The following DLC1 variants were observed in gnomAD, a reference collection of about 807,000 sequenced individuals.
DLC1 encodes rho GTPase-activating protein 7.
In DLC1, 54 loss-of-function variants were observed where a neutral mutation model predicts 140.3. The observed-to-expected ratio is 0.38, with a 90% CI of 0.31 to 0.48. The LOEUF (loss-of-function observed/expected upper bound fraction) is 0.48, where lower values mean the gene tolerates loss of function less well. Ranked by LOEUF, DLC1 falls within the 20% of genes least tolerant of loss-of-function variation. The probability of loss-of-function intolerance (pLI) is 0.96; values close to 1 mark genes in which losing one functional copy is unlikely to be tolerated. For missense variants in DLC1, 2,536 were observed against 1,907.0 expected, an observed-to-expected ratio of 1.33 and a Z score of -6.14; for synonymous variants, 986 against 728.1, an observed-to-expected ratio of 1.35 and a Z score of -5.70.
intron 2 of DLC1, among the ~76,000 whole-genome samples, chr8:13,450,766 C>T (rs1356719881): frequency 3.3e-5 from 5 of 151,914 alleles, no homozygotes; most frequent in African/African-American, 9.7e-5. Context: ...AGAGGCCAGG[C>T]GCGGTGGCTC....
intron 1 of DLC1, among the ~76,000 whole-genome samples, chr8:13,591,484 C>T (rs1394574622): frequency 6.6e-6 from 1 of 152,070 alleles, no homozygotes; most frequent in Non-Finnish European, 1.5e-5. Flanking sequence ...CTTCCCCTTC[C>T]AACATGATTG....
intron 4 of DLC1, among the ~76,000 whole-genome samples, chr8:13,310,766 T>A (rs570071917): frequency 6.6e-6 from 1 of 152,320 alleles, no homozygotes; most frequent in South Asian, 2.1e-4. Flanking sequence ...CAATCTGATA[T>A]CATCTATTTT....
chr8:13,127,849 C>T (rs776061173), intron 5 of DLC1, among the ~76,000 whole-genome samples: 1 of 152,162 alleles, frequency 6.6e-6, no homozygotes, highest in Non-Finnish European at 1.5e-5. Flanking sequence ...AAAGGTGGGG[C>T]AGGGCAGAGA....
intron 5 of DLC1, among the ~76,000 whole-genome samples, chr8:13,186,858 T>A (rs561379797): frequency 6.6e-6 from 1 of 152,270 alleles, no homozygotes; most frequent in Non-Finnish European, 1.5e-5. Flanking sequence ...TTTTTGTTGA[T>A]GTTGATGCTA....
At chr8:13,285,160 G>C (rs75704494) in intron 5 of DLC1, among the ~76,000 whole-genome samples, 2,305 of 152,176 alleles carry the variant, frequency 0.015, 58 homozygotes, top group African/African-American at 0.052. Flanking sequence ...ATCAAGACAG[G>C]GTGGTATTGA....
At chr8:13,091,297 C>T (rs368366226) in intron 14 of DLC1, 21 bp downstream of exon 14, 6 of 1,612,406 alleles carry the variant, frequency 3.7e-6, no homozygotes, top group Non-Finnish European at 4.2e-6. Context: ...AATAAAGGAG[C>T]CAAACTTCTC....
intron 4 of DLC1, among the ~76,000 whole-genome samples, chr8:13,329,610 G>C (rs997841577): frequency 1.1e-4 from 17 of 152,078 alleles, no homozygotes; most frequent in Admixed American, 2.6e-4. Context: ...ACTTGGTTTA[G>C]GGCTATTTTA....
At chr8:13,601,545 G>A (rs574159321) in intron 1 of DLC1, among the ~76,000 whole-genome samples, 3 of 151,740 alleles carry the variant, frequency 2.0e-5, no homozygotes, top group South Asian at 2.1e-4. Flanking sequence ...TCATTGGAAA[G>A]CACTTGTTAG....
chr8:13,572,576 GT>G (rs1339802221), intron 1 of DLC1, among the ~76,000 whole-genome samples: 2 of 152,034 alleles, frequency 1.3e-5, no homozygotes, highest in African/African-American at 4.8e-5. Context: ...GATCATGCAA[GT>G]TTGCCCATAT....
At chr8:13,591,923 G>T (rs1805528794) in intron 1 of DLC1, among the ~76,000 whole-genome samples, 1 of 152,106 alleles carries the variant, frequency 6.6e-6, no homozygotes, top group African/African-American at 2.4e-5. Flanking sequence ...ACCTTGTCGA[G>T]TTCAGTGTAC....
At chr8:13,473,354 C>G (rs1800296783) in intron 2 of DLC1, among the ~76,000 whole-genome samples, 1 of 152,284 alleles carries the variant, frequency 6.6e-6, no homozygotes, top group Non-Finnish European at 1.5e-5. Flanking sequence ...GTGAATAAGT[C>G]TCACGAGATC....
intron 1 of DLC1, among the ~76,000 whole-genome samples, chr8:13,575,442 G>A (rs1585292004): frequency 6.6e-6 from 1 of 152,110 alleles, no homozygotes; most frequent in Non-Finnish European, 1.5e-5. Context: ...AGGGGGTGGG[G>A]CCGAGGGGAG....
chr8:13,587,929 T>C (rs1389637945), intron 1 of DLC1, among the ~76,000 whole-genome samples: 1 of 152,060 alleles, frequency 6.6e-6, no homozygotes, highest in African/African-American at 2.4e-5. Context: ...ACATCCAATA[T>C]GAAAATTATG....
Position 13,401,628 on chromosome 8 carries a change from C to T in DLC1, c.1024-9G>A. On this transcript the variant is annotated splice_polypyrimidine_tract_variant and intron_variant, in intron 2 of 17. Transcript: ENST00000276297. The stretch of plus-strand genomic sequence containing the variant: ...CGATCTTCTCTTATTTCCTGAGGAA[C>T]AGAACATTTTGTTACTGAATCTGAA... 1 of 1,608,478 alleles carries T rather than the reference C, an allele frequency of 6.2e-7. No individual in the cohort carries two copies. The highest frequency in any genetic ancestry group is 1.1e-5 in the South Asian group (1 of 89,914).
At chr8:13,567,282 C>G in intron 1 of DLC1, 1 of 1,551,744 alleles carries the variant, frequency 6.4e-7, no homozygotes, top group Non-Finnish European at 8.7e-7. Context: ...AAGACTCTAA[C>G]TTTGAACGGC....
At chr8:13,141,761 G>A (rs1474154204) in intron 5 of DLC1, among the ~76,000 whole-genome samples, 2 of 152,154 alleles carry the variant, frequency 1.3e-5, no homozygotes, top group African/African-American at 4.8e-5. Context: ...TGGAGCTGCC[G>A]TCTATCTTCC....
intron 2 of DLC1, among the ~76,000 whole-genome samples, chr8:13,427,865 T>A (rs1281311741): frequency 1.3e-5 from 2 of 152,232 alleles, no homozygotes; most frequent in African/African-American, 4.8e-5. Context: ...GATGCAGGAA[T>A]GATGTCTTCT....
chr8:13,233,220 G>A (rs1829128227), intron 5 of DLC1, among the ~76,000 whole-genome samples: 1 of 143,326 alleles, frequency 7.0e-6, no homozygotes, highest in Non-Finnish European at 1.5e-5. Flanking sequence ...CCTTGAACCT[G>A]GGAGGTGGAG....
intron 6 of DLC1, among the ~76,000 whole-genome samples, chr8:13,114,779 G>C (rs1157243799): frequency 1.3e-5 from 2 of 152,190 alleles, no homozygotes; most frequent in East Asian, 3.9e-4. Context: ...AAGGATTAGG[G>C]AAATGGCAGT....
Sources: allele counts gnomAD v4.1 joint callset (sites outside exome capture counted in the v4.1 genomes callset), GRCh38; gene constraint gnomAD v4.1.1; transcripts MANE v1.5; gene names NCBI Gene and HGNC (gene_info 2026-07-23, HGNC 2026-07-21).